SOX6: variants seen among roughly 807,000 people sequenced by gnomAD.
SOX6 encodes the protein SRY-box transcription factor 6.
Under a neutral mutation model 97.8 loss-of-function variants are expected in SOX6, and 11 were observed. The ratio of observed to expected loss-of-function variants is 0.11; its 90% CI spans 0.07 to 0.19. SOX6 has a LOEUF of 0.19. SOX6 is among the 10% of genes least tolerant of loss of function. The pLI, the probability that SOX6 is intolerant of heterozygous loss-of-function variation, is 1.00. For missense variants in SOX6, 810 were observed against 1,039.5 expected, an observed-to-expected ratio of 0.78 and a Z score of 3.04; for synonymous variants, 360 against 371.4, an observed-to-expected ratio of 0.97 and a Z score of 0.35.
intron 4 of SOX6, among the ~76,000 whole-genome samples, chr11:16,606,198 TTCTC>T (rs1848331868): frequency 6.6e-6 from 1 of 151,322 alleles, no homozygotes; most frequent in Admixed American, 6.6e-5. Context: ...GCCTTTCTCT[TTCTC>T]TCTTCTCTCT....
intron 6 of SOX6, among the ~76,000 whole-genome samples, chr11:16,114,923 C>A (rs1283219009): frequency 6.6e-6 from 1 of 152,178 alleles, no homozygotes; most frequent in Non-Finnish European, 1.5e-5. Flanking sequence ...TAAATTACTT[C>A]TTTTGTAACT....
At chr11:16,304,414 T>G (rs1227820313) in intron 3 of SOX6, among the ~76,000 whole-genome samples, 1 of 152,144 alleles carries the variant, frequency 6.6e-6, no homozygotes, top group Non-Finnish European at 1.5e-5. Context: ...TGAGGGAGTT[T>G]GTGGCTTCCA....
intron 1 of SOX6, among the ~76,000 whole-genome samples, chr11:16,366,704 C>T (rs1304998981): frequency 6.6e-6 from 1 of 152,050 alleles, no homozygotes; most frequent in Non-Finnish European, 1.5e-5. Context: ...CAAAGTGAAC[C>T]ACTGTTTAAC....
intron 1 of SOX6, chr11:16,736,534 A>C (rs1394858166): frequency 6.6e-6 from 1 of 152,234 alleles, no homozygotes; most frequent in Non-Finnish European, 1.5e-5. Context: ...TTCACCAACT[A>C]GTAAAATTAA....
intron 13 of SOX6, among the ~76,000 whole-genome samples, chr11:16,005,271 G>A (rs1294219462): frequency 6.6e-6 from 1 of 151,844 alleles, no homozygotes; most frequent in African/African-American, 2.4e-5. Flanking sequence ...ATTTCAAAAG[G>A]TTCTCTACGA....
intron 13 of SOX6, among the ~76,000 whole-genome samples, chr11:15,990,146 G>A (rs1308609293): frequency 6.6e-6 from 1 of 151,876 alleles, no homozygotes; most frequent in Non-Finnish European, 1.5e-5. Context: ...TATTGTTTAT[G>A]TGACTATCTC....
chr11:16,329,568 T>G (rs1162863586), intron 2 of SOX6, among the ~76,000 whole-genome samples: 1 of 152,216 alleles, frequency 6.6e-6, no homozygotes, highest in Non-Finnish European at 1.5e-5. Flanking sequence ...CTCATCCATA[T>G]AAGCTCAGAC....
rs188721538 is a variant in SOX6, at chr11:16,402,779, A to G, written c.-4-61527T>C. On this transcript the variant is annotated intron_variant, in intron 1 of 15. Coordinates refer to the SOX6 transcript ENST00000396356. ...ATATTAGGAAAAAAAACAATCTACTATTGTTACATGAGACAACAACCTTTC... is the reference window on the plus strand; with the variant it reads ...ATATTAGGAAAAAAAACAATCTACTGTTGTTACATGAGACAACAACCTTTC... The G allele has an allele frequency of 8.7e-6, 14 of 1,601,922 alleles. No homozygotes were observed. In the South Asian group the frequency reaches 1.3e-4, roughly 15 times the overall value.
At chr11:16,193,415 A>C (rs1382798216) in intron 4 of SOX6, among the ~76,000 whole-genome samples, 1 of 152,136 alleles carries the variant, frequency 6.6e-6, no homozygotes, top group Admixed American at 6.5e-5. Flanking sequence ...GTGTTAACAT[A>C]CCAAGCCAAA....
chr11:16,361,337 A>T (rs188876825), upstream of SOX6, among the ~76,000 whole-genome samples: 2 of 152,256 alleles, frequency 1.3e-5, no homozygotes, highest in Non-Finnish European at 2.9e-5. Context: ...TTGTTCCAAG[A>T]TTAAACAACT....
At chr11:16,276,239 C>T (rs1204653354) in intron 3 of SOX6, among the ~76,000 whole-genome samples, 1 of 152,140 alleles carries the variant, frequency 6.6e-6, no homozygotes, top group Non-Finnish European at 1.5e-5. Flanking sequence ...AAAATATGTG[C>T]AAGTCCTTCC....
intron 4 of SOX6, among the ~76,000 whole-genome samples, chr11:16,575,924 AT>A (rs1459495192): frequency 2.0e-5 from 3 of 152,192 alleles, no homozygotes. Flanking sequence ...TAAATACCTT[AT>A]ATGTTTACAT....
At chr11:16,639,903 C>T (rs896246436) in intron 3 of SOX6, among the ~76,000 whole-genome samples, 43 of 152,036 alleles carry the variant, frequency 2.8e-4, no homozygotes, top group Admixed American at 9.2e-4. Context: ...CCCTTTATTT[C>T]CTTCTCCTGC....
intron 1 of SOX6, among the ~76,000 whole-genome samples, chr11:16,413,366 C>CT (rs1858860793): frequency 1.3e-5 from 2 of 152,098 alleles, no homozygotes; most frequent in African/African-American, 4.8e-5. Flanking sequence ...TTACAGAGCC[C>CT]TAGCTACCCA....
intron 3 of SOX6, among the ~76,000 whole-genome samples, chr11:16,626,261 C>A (rs777518025): frequency 2.0e-5 from 3 of 152,202 alleles, no homozygotes; most frequent in Non-Finnish European, 4.4e-5. Context: ...AGGCGAAGCT[C>A]ATTTTTTTTC....
chr11:16,532,519 T>C (rs2133170523), intron 4 of SOX6, among the ~76,000 whole-genome samples: 1 of 152,062 alleles, frequency 6.6e-6, no homozygotes, highest in East Asian at 1.9e-4. Context: ...AAAAGAAAAC[T>C]GGTTTCTTGT....
rs1228948736 is a variant in SOX6 at position 16,676,885 on chromosome 11, GT to G, written n.429+37944del. Among the ~76,000 whole-genome samples, 535 of 145,464 alleles carry G rather than the reference GT, an allele frequency of 3.7e-3. 4 individuals carry two copies. Among genetic ancestry groups the G allele is most frequent in the African/African-American group, 0.012 (482 of 39,968 alleles). On this transcript the variant is annotated intron_variant and non_coding_transcript_variant, in intron 3 of 5. Transcript: ENST00000524520. The stretch of plus-strand genomic sequence containing the variant: ...GAAGAAAACTTGAGGTCTTTCTCAG[GT>G]TTTTTTTTTTAGTATGCACTCAGTC...
intron 3 of SOX6, among the ~76,000 whole-genome samples, chr11:16,293,391 G>A (rs1023183118): frequency 2.0e-5 from 3 of 152,098 alleles, no homozygotes; most frequent in African/African-American, 4.8e-5. Flanking sequence ...TAGAAACTTA[G>A]GCAGCATAAA....
At chr11:16,538,436 G>T (rs1320617164) in intron 4 of SOX6, among the ~76,000 whole-genome samples, 1 of 152,150 alleles carries the variant, frequency 6.6e-6, no homozygotes, top group Non-Finnish European at 1.5e-5. Flanking sequence ...AAAATAACCA[G>T]CTAACATCAT....
Sources: gnomAD v4.1 joint callset for allele counts (sites outside exome capture counted in the v4.1 genomes callset) on GRCh38, gnomAD v4.1.1 for gene constraint, MANE v1.5 for transcripts, NCBI Gene and HGNC (gene_info 2026-07-23, HGNC 2026-07-21) for gene names.